Variants in PTPRK observed in about 807,000 individuals in gnomAD.
PTPRK encodes receptor-type tyrosine-protein phosphatase kappa.
PTPRK carries 75 observed loss-of-function variants against 178.0 expected under a neutral mutation model. The observed-to-expected ratio is 0.42, with a 90% CI of 0.35 to 0.51. The LOEUF (loss-of-function observed/expected upper bound fraction) is 0.51, where lower values mean the gene tolerates loss of function less well. Ranked by LOEUF, PTPRK falls within the 20% of genes least tolerant of loss-of-function variation. The pLI, the probability that PTPRK is intolerant of heterozygous loss-of-function variation, is 0.02. For synonymous variants in PTPRK, 637 were observed against 620.6 expected, an observed-to-expected ratio of 1.03 and a Z score of -0.39; for missense variants, 1,441 against 1,797.8, an observed-to-expected ratio of 0.80 and a Z score of 3.59.
At chr6:128,351,519 T>C (rs1288464969) in intron 2 of PTPRK, among the ~76,000 whole-genome samples, 3 of 152,254 alleles carry the variant, frequency 2.0e-5, no homozygotes, top group Non-Finnish European at 4.4e-5. Flanking sequence ...CACAAGTAAA[T>C]TGATTAAATG....
intron 7 of PTPRK, among the ~76,000 whole-genome samples, chr6:128,091,594 G>A (rs1786962008): frequency 6.6e-6 from 1 of 152,166 alleles, no homozygotes; most frequent in Non-Finnish European, 1.5e-5. Context: ...TACAGAATGA[G>A]AAAGTAAGAT....
chr6:128,255,722 C>CA (rs1347803983), intron 3 of PTPRK, among the ~76,000 whole-genome samples: 1 of 152,198 alleles, frequency 6.6e-6, no homozygotes, highest in African/African-American at 2.4e-5. Context: ...AAAGCATCAA[C>CA]AACACCTGGA....
At chr6:128,191,139 G>C (rs959652288) in intron 6 of PTPRK, among the ~76,000 whole-genome samples, 4 of 151,832 alleles carry the variant, frequency 2.6e-5, no homozygotes, top group Non-Finnish European at 5.9e-5. Context: ...TAGATAAAAG[G>C]GGAAAAAAGA....
At chr6:128,239,941 A>C in intron 5 of PTPRK, 94 bp downstream of exon 5, 2 of 934,542 alleles carry the variant, frequency 2.1e-6, no homozygotes, top group South Asian at 3.1e-5. Flanking sequence ...GCACACACAC[A>C]CACACTCAAA....
chr6:128,515,419 T>C (rs1050191967), intron 1 of PTPRK, among the ~76,000 whole-genome samples: 3 of 151,998 alleles, frequency 2.0e-5, no homozygotes, highest in African/African-American at 7.2e-5. Context: ...TGAGTTTTGA[T>C]TAAAAAAACA....
Position 127,969,884 on chromosome 6 carries a change from A to T in PTPRK, c.*343T>A, listed in dbSNP as rs1354094949. On this transcript the variant is annotated 3_prime_UTR_variant, in exon 30 of 30. Coordinates refer to ENST00000368226, the MANE Select transcript of PTPRK (RefSeq NM_002844.4). ...GGGAGAAAAATGCCACGTAGAAAGT[A>T]TGAACTCATGCAACATGTGGTAGCT... is the stretch of plus-strand genomic sequence containing the variant. The T allele has an allele frequency of 5.5e-6, 1 of 181,862 alleles. No homozygotes were observed. Among genetic ancestry groups the T allele is most frequent in the Non-Finnish European group, 1.1e-5 (1 of 88,134 alleles). 11.3% of individuals were successfully genotyped at this position (181,862 alleles called of 1,614,324 possible). A position where few individuals can be genotyped will look rare whatever the true frequency, so the allele number is the denominator to read the frequency against.
At chr6:128,395,956 C>A (rs1226784300) in intron 2 of PTPRK, among the ~76,000 whole-genome samples, 1 of 151,998 alleles carries the variant, frequency 6.6e-6, no homozygotes, top group East Asian at 1.9e-4. Flanking sequence ...AAATATTTAC[C>A]ATATTCATTT....
At chr6:128,336,872 T>C (rs1831003008) in intron 2 of PTPRK, among the ~76,000 whole-genome samples, 1 of 152,128 alleles carries the variant, frequency 6.6e-6, no homozygotes, top group Non-Finnish European at 1.5e-5. Flanking sequence ...CACAATTCTA[T>C]TGGTTGAAGC....
chr6:128,409,060 G>A (rs1672538604), intron 1 of PTPRK, among the ~76,000 whole-genome samples: 1 of 152,204 alleles, frequency 6.6e-6, no homozygotes, highest in South Asian at 2.1e-4. Context: ...AGTGTCATAG[G>A]AGATATGTGA....
At chr6:128,468,046 A>C (rs571928686) in intron 1 of PTPRK, among the ~76,000 whole-genome samples, 105 of 152,326 alleles carry the variant, frequency 6.9e-4, no homozygotes, top group African/African-American at 2.5e-3. Context: ...TGTCACTATA[A>C]ACTCCATGAG....
chr6:128,368,300 A>G (rs1835803693), intron 2 of PTPRK, among the ~76,000 whole-genome samples: 1 of 152,060 alleles, frequency 6.6e-6, no homozygotes, highest in Admixed American at 6.6e-5. Flanking sequence ...CACTTACTCT[A>G]TTTAAACAAA....
At chr6:128,428,668 T>C (rs1844465794) in intron 1 of PTPRK, among the ~76,000 whole-genome samples, 1 of 152,190 alleles carries the variant, frequency 6.6e-6, no homozygotes, top group Non-Finnish European at 1.5e-5. Flanking sequence ...TACAAACAAA[T>C]GAATACTCAG....
intron 3 of PTPRK, among the ~76,000 whole-genome samples, chr6:128,245,750 C>T (rs1815339067): frequency 6.6e-6 from 1 of 152,070 alleles, no homozygotes; most frequent in Non-Finnish European, 1.5e-5. Context: ...ACATAATTCC[C>T]ATGTCATTTT....
chr6:128,000,075 C>T, intron 15 of PTPRK: 1 of 970,670 alleles, frequency 1.0e-6, no homozygotes, highest in Non-Finnish European at 1.2e-6. Flanking sequence ...TTAAACTTAC[C>T]ACTTAAAAAA....
chr6:128,016,812 T>C (rs1054255850), intron 13 of PTPRK, among the ~76,000 whole-genome samples: 1 of 151,918 alleles, frequency 6.6e-6, no homozygotes, highest in East Asian at 1.9e-4. Context: ...CCCACATACA[T>C]ATCCAGTTAC....
At chr6:128,416,564 C>T (rs1256374478) in intron 1 of PTPRK, among the ~76,000 whole-genome samples, 2 of 149,980 alleles carry the variant, frequency 1.3e-5, no homozygotes, top group Non-Finnish European at 3.0e-5. Context: ...AGGAGAATGG[C>T]GTGAACCCGG....
chr6:128,022,712 A>G (rs1427448733), intron 13 of PTPRK, among the ~76,000 whole-genome samples: 2 of 152,080 alleles, frequency 1.3e-5, no homozygotes. Flanking sequence ...CACCTAACCC[A>G]CCTGGATGAT....
At chr6:128,328,468 T>C (rs1253101509) in intron 2 of PTPRK, among the ~76,000 whole-genome samples, 2 of 152,140 alleles carry the variant, frequency 1.3e-5, no homozygotes, top group Admixed American at 6.5e-5. Flanking sequence ...GTGAGATAAA[T>C]TACCAGAAAA....
intron 6 of PTPRK, among the ~76,000 whole-genome samples, chr6:128,211,408 G>T (rs1808139419): frequency 6.6e-6 from 1 of 152,018 alleles, no homozygotes; most frequent in African/African-American, 2.4e-5. Flanking sequence ...ATTCTTGTCA[G>T]ATTATATTAT....
Sources: allele counts gnomAD v4.1 joint callset (sites outside exome capture counted in the v4.1 genomes callset), GRCh38; gene constraint gnomAD v4.1.1; transcripts MANE v1.5; gene names NCBI Gene and HGNC (gene_info 2026-07-23, HGNC 2026-07-21).